The following KLHL1 variants were observed in gnomAD, a reference collection of about 807,000 sequenced individuals.
The protein encoded by KLHL1 is kelch like family member 1.
KLHL1 carries 47 observed loss-of-function variants against 77.7 expected under a neutral mutation model. The observed-to-expected ratio is 0.60, with a 90% confidence interval of 0.48 to 0.77. The LOEUF (loss-of-function observed/expected upper bound fraction) is 0.77. Ranked by LOEUF, KLHL1 falls within the 30% of genes least tolerant of loss-of-function variation. The probability of loss-of-function intolerance (pLI) is 0.00; values close to 1 mark genes in which losing one functional copy is unlikely to be tolerated. For missense variants in KLHL1, 925 were observed against 910.8 expected, an observed-to-expected ratio of 1.02 and a Z score of -0.20; for synonymous variants, 360 against 325.2, an observed-to-expected ratio of 1.11 and a Z score of -1.15.
chr13:70,017,623 T>C (rs750964489), intron 1 of KLHL1, among the ~76,000 whole-genome samples: 17 of 152,090 alleles, frequency 1.1e-4, no homozygotes, highest in Non-Finnish European at 1.6e-4. Flanking sequence ...CTAGGCAGAG[T>C]AGGCAGAATG....
intron 5 of KLHL1, among the ~76,000 whole-genome samples, chr13:69,855,349 CAGACAGAT>C (rs1294432793): frequency 3.4e-5 from 3 of 87,708 alleles, no homozygotes; most frequent in African/African-American, 1.2e-4. Flanking sequence ...GATAGATAGA[CAGACAGAT>C]AGATACATAG....
In KLHL1 at chr13:70,107,691, G is replaced by A; in HGVS notation, c.9C>T (p.Gly3=). 6.6e-7 allele frequency: 1 copy of A among 1,524,768 alleles called. No individual in the cohort carries two copies. The highest frequency in any genetic ancestry group is 8.8e-7 in the Non-Finnish European group (1 of 1,140,958). 94.5% of individuals were successfully genotyped at this position (1,524,768 alleles called of 1,614,324 possible). MS[G]SGRKDFDVKH... is the part of the protein sequence containing the mutation. ...TCACATCGAAGTCTTTTCGCCCAGA[G>A]CCTGACATGCTTTACGCACAGAAGG... is the stretch of plus-strand genomic sequence containing the variant. Residue 3 remains glycine, a synonymous_variant, in exon 1 of 11, where the codon GGC becomes GGT. Transcript: ENST00000377844.
At chr13:69,921,801 T>A (rs1882648947) in intron 4 of KLHL1, among the ~76,000 whole-genome samples, 1 of 152,130 alleles carries the variant, frequency 6.6e-6, no homozygotes, top group Admixed American at 6.6e-5. Context: ...ACAAAAGATG[T>A]AGTCAGTTCC....
At position 70,107,155 on chromosome 13, in the gene KLHL1, G is replaced by T. The variant is rs992604844; in HGVS notation, c.497+48C>A. 8.5e-6 allele frequency: 13 copies of T among 1,535,812 alleles called. No homozygotes were observed. In the African/African-American group the frequency reaches 1.4e-4, roughly 16 times the overall value. ...GCCACATGAGCACACGCGGTGAAAT[G>T]AGTGGAAATTGAGAGATGCTTGGAA... On this transcript the variant is annotated intron_variant, in intron 1 of 10. Transcript: ENST00000377844.
chr13:69,973,950 C>T (rs1884468626), intron 2 of KLHL1, among the ~76,000 whole-genome samples: 1 of 151,924 alleles, frequency 6.6e-6, no homozygotes, highest in Non-Finnish European at 1.5e-5. Flanking sequence ...TAGGCTCTTG[C>T]CCCGCTTTAA....
intron 4 of KLHL1, among the ~76,000 whole-genome samples, chr13:69,920,685 TA>T (rs34317558): frequency 0.089 from 13,493 of 152,108 alleles, 849 homozygotes; most frequent in Non-Finnish European, 0.13. Flanking sequence ...TTTTCATACT[TA>T]AAATGCCACA....
At chr13:69,955,791 T>C (rs894229046) in intron 3 of KLHL1, among the ~76,000 whole-genome samples, 2 of 149,102 alleles carry the variant, frequency 1.3e-5, no homozygotes, top group Non-Finnish European at 3.0e-5. Flanking sequence ...TCCTAATGTG[T>C]GTGCAAGTGG....
At chr13:69,947,051 TG>T (rs1417042210) in intron 3 of KLHL1, among the ~76,000 whole-genome samples, 1 of 146,694 alleles carries the variant, frequency 6.8e-6, no homozygotes. Context: ...TGTGTGTGTG[TG>T]TGTGTGTGTG....
chr13:69,891,909 A>T (rs1051680616), intron 4 of KLHL1, among the ~76,000 whole-genome samples: 18 of 151,998 alleles, frequency 1.2e-4, no homozygotes, highest in South Asian at 6.2e-4. Context: ...TTATTTTTTT[A>T]AAAAAATACT....
chr13:70,037,593 CTTCTT>C (rs1303736975), intron 1 of KLHL1, among the ~76,000 whole-genome samples: 6 of 151,780 alleles, frequency 4.0e-5, no homozygotes, highest in Non-Finnish European at 7.4e-5. Context: ...CTTTTTGTCT[CTTCTT>C]TAGTTTCTTT....
intron 4 of KLHL1, among the ~76,000 whole-genome samples, chr13:69,916,442 G>T (rs866448477): frequency 6.6e-6 from 1 of 152,026 alleles, no homozygotes; most frequent in Non-Finnish European, 1.5e-5. Context: ...CCTTTGTAGG[G>T]ACATGGATGA....
At chr13:69,896,819 C>T (rs953190635) in intron 4 of KLHL1, among the ~76,000 whole-genome samples, 1 of 151,852 alleles carries the variant, frequency 6.6e-6, no homozygotes. Flanking sequence ...CAGGCGCACA[C>T]CACCACCTCA....
At chr13:69,903,030 G>A (rs1456598976) in intron 4 of KLHL1, among the ~76,000 whole-genome samples, 2 of 151,990 alleles carry the variant, frequency 1.3e-5, no homozygotes. Context: ...AAAGCAACAA[G>A]TCTTATTAAA....
At chr13:69,839,642 GA>G (rs1319620766) in intron 5 of KLHL1, among the ~76,000 whole-genome samples, 1 of 151,782 alleles carries the variant, frequency 6.6e-6, no homozygotes, top group African/African-American at 2.4e-5. Flanking sequence ...CAATAAAGAT[GA>G]AAAAATTTCT....
chr13:70,081,925 A>C (rs1384010483), intron 1 of KLHL1, among the ~76,000 whole-genome samples: 1 of 152,210 alleles, frequency 6.6e-6, no homozygotes, highest in African/African-American at 2.4e-5. Context: ...ACTAAATCTC[A>C]TGTAGAATTG....
rs1884523160 is a variant in KLHL1, at chr13:69,975,628, A to G, written c.672T>C (p.Pro224=). 2.5e-6 allele frequency: 4 copies of G among 1,613,076 alleles called. No individual in the cohort carries two copies. The highest frequency in any genetic ancestry group is 3.3e-4 in the Middle Eastern group (2 of 6,072). The change falls in exon 2 of 11, where the codon CCT becomes CCC. Residue 224 remains proline, a synonymous_variant. Transcript: ENST00000377844. The stretch of plus-strand genomic sequence containing the variant: ...GAGGCAGACTACTGTACCTATGTGC[A>G]GGTATCTTTCGGTTCCCAACAATCA... ...VILIVGNRKI[P]AHRLVLSSVS...
intron 6 of KLHL1, among the ~76,000 whole-genome samples, chr13:69,806,477 T>A (rs1042522786): frequency 6.6e-6 from 1 of 151,850 alleles, no homozygotes; most frequent in African/African-American, 2.4e-5. Context: ...GAGAGAACAC[T>A]TGGATTCATC....
intron 5 of KLHL1, among the ~76,000 whole-genome samples, chr13:69,869,968 A>G (rs901699043): frequency 2.6e-5 from 4 of 152,202 alleles, no homozygotes; most frequent in African/African-American, 9.6e-5. Context: ...GTCGAGCAAA[A>G]AGAGAGTTCT....
intron 7 of KLHL1, among the ~76,000 whole-genome samples, chr13:69,784,596 A>G (rs1394178228): frequency 6.6e-6 from 1 of 151,442 alleles, no homozygotes; most frequent in African/African-American, 2.4e-5. Context: ...GAAGGCCATT[A>G]CATAATGATA....
Sources: gnomAD v4.1 joint callset for allele counts (sites outside exome capture counted in the v4.1 genomes callset) on GRCh38, gnomAD v4.1.1 for gene constraint, MANE v1.5 for transcripts, NCBI Gene and HGNC (gene_info 2026-07-23, HGNC 2026-07-21) for gene names.